Variants in VAT1L observed in about 807,000 individuals in gnomAD.
VAT1L encodes vesicle amine transport 1 like.
A neutral mutation model predicts 44.1 loss-of-function variants in VAT1L; 34 were observed. The ratio of observed to expected loss-of-function variants is 0.77; its 90% CI spans 0.59 to 1.03. The LOEUF is 1.03. VAT1L is among the 50% of genes least tolerant of loss of function. The pLI, the probability that VAT1L is intolerant of heterozygous loss-of-function variation, is 0.00. For missense variants in VAT1L, 615 were observed against 538.8 expected, an observed-to-expected ratio of 1.14 and a Z score of -1.40; for synonymous variants, 253 against 202.2, an observed-to-expected ratio of 1.25 and a Z score of -2.13.
chr16:77,969,019 A>G lies in VAT1L; in HGVS notation c.1078-2831A>G, dbSNP rs181529956. On this transcript the variant is annotated intron_variant, in intron 7 of 8. Coordinates refer to ENST00000302536, the MANE Select transcript of VAT1L (RefSeq NM_020927.3). ...TTTTTAGTAGAGATGGGGTTTCCCC[A>G]TGTTGGCCAGGCTGGTCTTGAACTC... Among the ~76,000 whole-genome samples, 26 of 152,182 alleles carry G rather than the reference A, an allele frequency of 1.7e-4. No homozygotes were observed. The East Asian group carries it at 4.1e-3, about 24-fold the overall frequency.
intron 1 of VAT1L, among the ~76,000 whole-genome samples, chr16:77,810,408 G>C (rs1477911391): frequency 1.3e-5 from 2 of 152,102 alleles, no homozygotes; most frequent in African/African-American, 4.8e-5. Context: ...TAAAGTTTGA[G>C]AACCATTCAC....
chr16:77,948,590 C>A (rs1205005832), intron 7 of VAT1L, among the ~76,000 whole-genome samples: 1 of 152,114 alleles, frequency 6.6e-6, no homozygotes, highest in Non-Finnish European at 1.5e-5. Flanking sequence ...CCCCCTGCCC[C>A]CATACTCCTT....
chr16:77,895,431 C>T (rs2017313562), intron 7 of VAT1L, among the ~76,000 whole-genome samples: 1 of 152,136 alleles, frequency 6.6e-6, no homozygotes, highest in Non-Finnish European at 1.5e-5. Context: ...GGAGAATACC[C>T]TGGATCATGC....
intron 7 of VAT1L, among the ~76,000 whole-genome samples, chr16:77,898,874 C>T (rs184419419): frequency 6.6e-6 from 1 of 152,334 alleles, no homozygotes; most frequent in East Asian, 1.9e-4. Context: ...TAAACACATG[C>T]TGGTGTTTGC....
At chr16:77,790,329 T>C (rs1352453962) in intron 1 of VAT1L, among the ~76,000 whole-genome samples, 1 of 152,162 alleles carries the variant, frequency 6.6e-6, no homozygotes, top group Non-Finnish European at 1.5e-5. Context: ...AATAAACTCT[T>C]ATTGAACCAA....
At chr16:77,828,870 T>G (rs981037750) in intron 3 of VAT1L, among the ~76,000 whole-genome samples, 5 of 152,062 alleles carry the variant, frequency 3.3e-5, no homozygotes, top group Non-Finnish European at 5.9e-5. Context: ...GACCTTCATT[T>G]TAGCCGAGCG....
At chr16:77,959,094 C>T (rs930758364) in intron 7 of VAT1L, among the ~76,000 whole-genome samples, 1 of 152,138 alleles carries the variant, frequency 6.6e-6, no homozygotes, top group African/African-American at 2.4e-5. Flanking sequence ...AGAGAATGGC[C>T]ACCTCCTTAA....
chr16:77,831,828 T>C (rs561253489), intron 3 of VAT1L, among the ~76,000 whole-genome samples: 4 of 152,206 alleles, frequency 2.6e-5, no homozygotes, highest in Admixed American at 2.6e-4. Context: ...TTTTTCTTTT[T>C]TTTTGGAGAT....
intron 1 of VAT1L, among the ~76,000 whole-genome samples, chr16:77,807,459 C>T (rs1165309075): frequency 6.6e-6 from 1 of 152,148 alleles, no homozygotes; most frequent in Non-Finnish European, 1.5e-5. Context: ...CTCAAGGAAC[C>T]ATGCTATGTC....
intron 7 of VAT1L, among the ~76,000 whole-genome samples, chr16:77,970,000 G>C (rs1473680832): frequency 6.9e-6 from 1 of 145,254 alleles, no homozygotes; most frequent in Non-Finnish European, 1.5e-5. Flanking sequence ...GATCACTTGA[G>C]GCCAACAGTT....
intron 4 of VAT1L, among the ~76,000 whole-genome samples, chr16:77,866,825 C>T (rs888482716): frequency 3.3e-5 from 5 of 152,022 alleles, no homozygotes; most frequent in South Asian, 2.1e-4. Context: ...CAAGCCAAAG[C>T]GTTAGAAACC....
chr16:77,943,143 A>G (rs8063044), intron 7 of VAT1L, among the ~76,000 whole-genome samples: 89,037 of 144,616 alleles, frequency 0.62, 26,432 homozygotes, highest in Middle Eastern at 0.79. Context: ...TGCAACCTCC[A>G]CCTCCCGGGT....
chr16:77,837,612 A>G (rs956102882), intron 3 of VAT1L, among the ~76,000 whole-genome samples: 5 of 152,178 alleles, frequency 3.3e-5, no homozygotes, highest in Admixed American at 2.6e-4. Flanking sequence ...GGCCAAAACC[A>G]GCAGTATGTA....
At chr16:77,955,702 G>C (rs1485837993) in intron 7 of VAT1L, among the ~76,000 whole-genome samples, 1 of 148,004 alleles carries the variant, frequency 6.8e-6, no homozygotes. Context: ...TCCGGCCTGG[G>C]TGACAGAGGC....
At chr16:77,955,835 A>G (rs374123100) in intron 7 of VAT1L, among the ~76,000 whole-genome samples, 1 of 152,120 alleles carries the variant, frequency 6.6e-6, no homozygotes, top group African/African-American at 2.4e-5. Context: ...CTGCAATACA[A>G]TACCCAGCGT....
intron 1 of VAT1L, among the ~76,000 whole-genome samples, chr16:77,793,449 C>T (rs895122521): frequency 3.3e-5 from 5 of 152,120 alleles, no homozygotes; most frequent in African/African-American, 4.8e-5. Flanking sequence ...GTGTATGGTT[C>T]GCCCCTAACT....
At chr16:77,796,081 C>T (rs2015928776) in intron 1 of VAT1L, among the ~76,000 whole-genome samples, 1 of 152,140 alleles carries the variant, frequency 6.6e-6, no homozygotes, top group African/African-American at 2.4e-5. Context: ...CCGCCTCGGC[C>T]TCCCAAAGTG....
chr16:77,968,186 G>C (rs552660700), intron 7 of VAT1L, among the ~76,000 whole-genome samples: 3 of 152,038 alleles, frequency 2.0e-5, no homozygotes, highest in Non-Finnish European at 4.4e-5. Context: ...AGCTTAGTTG[G>C]TCCTTTGATT....
chr16:77,885,646 T>TC (rs2017201960), intron 7 of VAT1L, among the ~76,000 whole-genome samples: 1 of 152,088 alleles, frequency 6.6e-6, no homozygotes, highest in African/African-American at 2.4e-5. Context: ...GTTTTTTTTT[T>TC]CATTGTTTTG....
Sources: allele counts gnomAD v4.1 joint callset (sites outside exome capture counted in the v4.1 genomes callset), GRCh38; gene constraint gnomAD v4.1.1; transcripts MANE v1.5; gene names NCBI Gene and HGNC (gene_info 2026-07-23, HGNC 2026-07-21).